SLC6A12: variants seen among roughly 807,000 people sequenced by gnomAD.
The protein encoded by SLC6A12 is sodium- and chloride-dependent betaine transporter.
SLC6A12 carries 50 observed loss-of-function variants against 73.3 expected under a neutral mutation model. The observed-to-expected ratio is 0.68, with a 90% confidence interval of 0.54 to 0.86. The LOEUF is 0.86. SLC6A12 is among the 40% of genes least tolerant of loss of function. The pLI is 0.00. For missense variants in SLC6A12, 648 were observed against 772.8 expected, an observed-to-expected ratio of 0.84 and a Z score of 1.92; for synonymous variants, 304 against 309.2, an observed-to-expected ratio of 0.98 and a Z score of 0.18.
chr12:196,400 C>T (rs79352163), intron 11 of SLC6A12, 139 bp from the exon 12 acceptor site: 65,884 of 1,079,154 alleles, frequency 0.061, 2,573 homozygotes, highest in Non-Finnish European at 0.073. Context: ...AATGGGGGTG[C>T]CCTGGGGTGA....
At position 202,875 on chromosome 12, in the gene SLC6A12, C is replaced by G; in HGVS notation, c.355G>C (p.Gly119Arg). 6.2e-7 allele frequency: 1 copy of G among 1,613,698 alleles called. No homozygotes were observed. ...GACTCGATGACCACAGATGCCAGAC[C>G]AATGCCTTCCAGAGTGGGGGAGAGA... ...RKICPLFQGIGLASVVIESYL... is the reference protein window; with the variant it reads ...RKICPLFQGIRLASVVIESYL... The change falls in exon 5 of 16, where the codon GGT becomes CGT. Residue 119 changes from glycine to arginine, a missense_variant. Physicochemically the swap from Gly to Arg is moderately radical, Grantham distance 125 (BLOSUM62 -2). Transcript: ENST00000684302.
chr12:184,195 A>G, the SLC6A12 span, among the ~76,000 whole-genome samples: 1 of 152,230 alleles, frequency 6.6e-6, no homozygotes, highest in Non-Finnish European at 1.5e-5. Flanking sequence ...AAATTAAAGG[A>G]GAAAAACAAT....
Position 198,894 on chromosome 12 carries a change from AG to A in SLC6A12, c.748del (p.Val251SerfsTer4). ...YFTATFPYLM[L>X]VILLIRGVTL... ...GACACCTCTGATCAGCAAAATGACA[AG>A]CATCAGGTACGGAAACGTGGCTGTG... On this transcript the variant is annotated frameshift_variant, in exon 8 of 16. Coordinates refer to ENST00000684302, the MANE Select transcript of SLC6A12 (RefSeq NM_001122848.3). LOFTEE classifies it high-confidence loss of function. This position sits in a 1 kb window ranked among gnomAD's most constrained non-coding sequence, Gnocchi z 4.0. 1 of 1,614,172 alleles carries A rather than the reference AG, an allele frequency of 6.2e-7. No individual in the cohort carries two copies. Among genetic ancestry groups the A allele is most frequent in the Non-Finnish European group, 8.5e-7 (1 of 1,180,022 alleles).
chr12:209,118 G>A (rs539928358), intron 3 of SLC6A12, among the ~76,000 whole-genome samples: 306 of 152,244 alleles, frequency 2.0e-3, no homozygotes, highest in African/African-American at 6.9e-3. Flanking sequence ...AGACAGGCCT[G>A]CAGCTTCCAC....
At chr12:197,158 CA>C (rs1565469094) in intron 10 of SLC6A12, among the ~76,000 whole-genome samples, 1 of 44,450 alleles carries the variant, frequency 2.2e-5, no homozygotes. Flanking sequence ...TCCATCCATC[CA>C]TCCATCCATC....
chr12:186,423 G>A (rs116193589), downstream of SLC6A12, among the ~76,000 whole-genome samples: 453 of 152,324 alleles, frequency 3.0e-3, 3 homozygotes, highest in African/African-American at 1.0e-2. Flanking sequence ...CAAAGCTTAC[G>A]GCTTAAAACA....
chr12:208,619 T>C (rs530721724), intron 3 of SLC6A12, among the ~76,000 whole-genome samples: 59 of 152,130 alleles, frequency 3.9e-4, no homozygotes, highest in Non-Finnish European at 7.2e-4. Context: ...CATTGAACGA[T>C]TGTATTCCTG....
rs533335559 is a variant in SLC6A12 at position 195,138 on chromosome 12, A to G, written c.1429+87T>C. ...CACACAGAAACCAGGGGACCAGAGA[A>G]CGGCCTCCCCCAGGCAAAGCCTGCC... On this transcript the variant is annotated intron_variant, in intron 13 of 15. Coordinates refer to ENST00000684302, the MANE Select transcript of SLC6A12 (RefSeq NM_001122848.3). 6.9e-5 allele frequency: 56 copies of G among 807,852 alleles called. 2 individuals are homozygous for G. The South Asian group carries it at 8.3e-4, about 12-fold the overall frequency. The allele number at this position is 807,852 out of a possible 1,614,324, so 50.0% of individuals were successfully genotyped here. A position where few individuals can be genotyped will look rare whatever the true frequency, so the allele number is the denominator to read the frequency against.
At chr12:187,589 CA>C (rs761187495), downstream of SLC6A12, among the ~76,000 whole-genome samples, 2 of 106,050 alleles carry the variant, frequency 1.9e-5, no homozygotes, top group East Asian at 3.1e-4. Flanking sequence ...TGCAAAAGAG[CA>C]AAAAAAAAAA....
At chr12:207,970 A>G (rs1455152129) in intron 3 of SLC6A12, among the ~76,000 whole-genome samples, 1 of 152,178 alleles carries the variant, frequency 6.6e-6, no homozygotes, top group Admixed American at 6.5e-5. Flanking sequence ...GACAGAGGCC[A>G]CAGCCACAGC....
chr12:209,975 C>G lies in SLC6A12; in HGVS notation c.12G>C (p.Lys4Asn). The change falls in exon 3 of 16, where the codon AAG becomes AAC. Residue 4 changes from lysine (K) to asparagine (N), a missense_variant. Coordinates refer to ENST00000684302, the MANE Select transcript of SLC6A12 (RefSeq NM_001122848.3). ...GAGGCCCACACTCTTGCACTGCCAC[C>G]TTCCCGTCCATGGCTGTGTGGTGGG... is the stretch of plus-strand genomic sequence containing the variant. MDG[K>N]VAVQECGPPA... 1 of 1,614,170 alleles carries G rather than the reference C, an allele frequency of 6.2e-7. No homozygotes were observed. The highest frequency in any genetic ancestry group is 8.5e-7 in the Non-Finnish European group (1 of 1,180,022).
chr12:205,851 A>G (rs552348357), intron 3 of SLC6A12, among the ~76,000 whole-genome samples: 13 of 152,272 alleles, frequency 8.5e-5, no homozygotes, highest in Non-Finnish European at 1.5e-4. Context: ...CTACCTCATC[A>G]TTTTGATTGC....
downstream of SLC6A12, among the ~76,000 whole-genome samples, chr12:186,591 A>G (rs1460977825): frequency 6.6e-6 from 1 of 152,196 alleles, no homozygotes; most frequent in Non-Finnish European, 1.5e-5. Context: ...ATTTCCACGC[A>G]GTGTATTCAC....
At chr12:193,086 T>G in intron 14 of SLC6A12, 191 bp downstream of exon 14, 1 of 567,438 alleles carries the variant, frequency 1.8e-6, no homozygotes, top group Non-Finnish European at 3.1e-6. Context: ...TAGAACAAGA[T>G]TCTACTTATG....
intron 15 of SLC6A12, 151 bp downstream of exon 15, chr12:192,327 A>G: frequency 1.5e-6 from 1 of 660,634 alleles, no homozygotes. Flanking sequence ...CTGGTCTTCA[A>G]AGTTCGTCTC....
chr12:197,580 G>A lies in SLC6A12; in HGVS notation c.951-79C>T, dbSNP rs1591787059. 2.7e-6 allele frequency: 4 copies of A among 1,454,954 alleles called. No homozygotes were observed. In the East Asian group the frequency reaches 7.2e-5, roughly 26 times the overall value. 90.1% of individuals were successfully genotyped at this position (1,454,954 alleles called of 1,614,324 possible). The stretch of plus-strand genomic sequence containing the variant: ...AGAGAGATCAGTCATGGGAGGAGAG[G>A]TCAAAAGACAGTGAGAGGGGACCAA... On this transcript the variant is annotated intron_variant, in intron 9 of 15. Coordinates refer to ENST00000684302, the MANE Select transcript of SLC6A12 (RefSeq NM_001122848.3).
Position 196,272 on chromosome 12 carries a change from G to A in SLC6A12, c.1189-11C>T, listed in dbSNP as rs1164148374. The A allele has an allele frequency of 2.5e-6, 4 of 1,606,984 alleles. No homozygotes were observed. The highest frequency in any genetic ancestry group is 3.4e-6 in the Non-Finnish European group (4 of 1,177,820). ...CTCCACACAGACAAACTGTGGGCCA[G>A]GAGGGGAACTGGATGAGAGGGTGTG... On this transcript the variant is annotated splice_polypyrimidine_tract_variant and intron_variant, in intron 11 of 15. Coordinates refer to ENST00000684302, the MANE Select transcript of SLC6A12 (RefSeq NM_001122848.3).
chr12:198,784 G>A lies in SLC6A12; in HGVS notation c.846+13C>T, dbSNP rs1445416092. On this transcript the variant is annotated intron_variant, in intron 8 of 15. Coordinates refer to ENST00000684302, the MANE Select transcript of SLC6A12 (RefSeq NM_001122848.3). This position sits in a 1 kb window ranked among gnomAD's most constrained non-coding sequence, Gnocchi z 4.0. ...GAAGGCACCTGGGGAAGTGGTCCCAGCACGGTACATACCTGAGGGTCCTTG... is the reference window on the plus strand; with the variant it reads ...GAAGGCACCTGGGGAAGTGGTCCCAACACGGTACATACCTGAGGGTCCTTG... 1.9e-6 allele frequency: 3 copies of A among 1,613,960 alleles called. No individual in the cohort carries two copies. The highest frequency in any genetic ancestry group is 1.1e-5 in the South Asian group (1 of 91,060).
the SLC6A12 span, among the ~76,000 whole-genome samples, chr12:184,944 AATC>A: frequency 6.6e-6 from 1 of 151,900 alleles, no homozygotes; most frequent in Admixed American, 6.6e-5. Flanking sequence ...AAAAAAAAAA[AATC>A]ATCAGCCGTC....
Sources: allele counts gnomAD v4.1 joint callset (sites outside exome capture counted in the v4.1 genomes callset), GRCh38; gene constraint gnomAD v4.1.1; non-coding constraint Gnocchi (gnomAD v3.1); transcripts MANE v1.5; gene names NCBI Gene and HGNC (gene_info 2026-07-23, HGNC 2026-07-21).